The following DLGAP2 variants were observed in gnomAD, a reference collection of about 807,000 sequenced individuals.
DLGAP2 encodes the protein DLG associated protein 2.
Under a neutral mutation model 100.3 loss-of-function variants are expected in DLGAP2, and 26 were observed. The ratio of observed to expected loss-of-function variants is 0.26; its 90% CI spans 0.19 to 0.36. The LOEUF is 0.36. DLGAP2 is among the 10% of genes least tolerant of loss of function. The pLI, the probability that DLGAP2 is intolerant of heterozygous loss-of-function variation, is 1.00. For missense variants in DLGAP2, 1,858 were observed against 1,453.2 expected (o/e 1.28, Z -4.53); for synonymous variants, 886 against 630.1 (o/e 1.41, Z -6.08).
intron 3 of DLGAP2, among the ~76,000 whole-genome samples, chr8:1,415,153 C>G (rs980454660): frequency 2.6e-5 from 4 of 152,232 alleles, no homozygotes; most frequent in African/African-American, 7.2e-5. Flanking sequence ...TGCGTACAAA[C>G]AGGCAACTCT....
chr8:951,622 C>G (rs1799482116), intron 2 of DLGAP2, among the ~76,000 whole-genome samples: 1 of 152,194 alleles, frequency 6.6e-6, no homozygotes, highest in Admixed American at 6.5e-5. Flanking sequence ...GAAGCTTTTC[C>G]TAGTTCATGC....
At chr8:1,364,874 C>G (rs532946163) in intron 3 of DLGAP2, among the ~76,000 whole-genome samples, 4 of 152,282 alleles carry the variant, frequency 2.6e-5, no homozygotes, top group South Asian at 4.1e-4. Flanking sequence ...AGAGGAGGAG[C>G]AAATTCTCTT....
In DLGAP2 at chr8:915,633, G is replaced by T. The variant is rs577740631; in HGVS notation, c.73+7667G>T. Among the ~76,000 whole-genome samples the T allele has an allele frequency of 2.0e-5, 3 of 152,160 alleles. No individual in the cohort carries two copies. In the East Asian group the frequency reaches 5.8e-4, roughly 29 times the overall value. On this transcript the variant is annotated intron_variant, in intron 2 of 14. Transcript: ENST00000637795. ...GCCACAGCCGCCACCCACTCCCCTG[G>T]AATTCCCGAATCACACGGCTGGTCA...
chr8:1,638,786 G>A (rs1424034830), intron 8 of DLGAP2, among the ~76,000 whole-genome samples: 6 of 152,292 alleles, frequency 3.9e-5, no homozygotes, highest in African/African-American at 7.2e-5. Context: ...TGGGTCTCCC[G>A]GGGAGTCCAG....
At chr8:1,435,982 C>G (rs1201988537) in intron 3 of DLGAP2, among the ~76,000 whole-genome samples, 6 of 152,108 alleles carry the variant, frequency 3.9e-5, no homozygotes, top group African/African-American at 7.2e-5. Flanking sequence ...GTTTTAAGCT[C>G]AGCCTTACAA....
At chr8:1,315,568 C>T (rs7387066) in intron 3 of DLGAP2, among the ~76,000 whole-genome samples, 41 of 132,898 alleles carry the variant, frequency 3.1e-4, no homozygotes, top group Admixed American at 1.1e-3. Context: ...AAAAATAGAG[C>T]CTGTACGAGT....
chr8:1,317,892 G>C (rs186102852), intron 3 of DLGAP2, among the ~76,000 whole-genome samples: 5 of 135,878 alleles, frequency 3.7e-5, no homozygotes, highest in African/African-American at 5.8e-5. Context: ...TGAGTGCAGC[G>C]TCTCTCCAAC....
chr8:1,232,418 C>T (rs1798555702), intron 2 of DLGAP2, among the ~76,000 whole-genome samples: 1 of 152,196 alleles, frequency 6.6e-6, no homozygotes, highest in African/African-American at 2.4e-5. Context: ...TCCCTTTCTC[C>T]AGCACCCTCA....
At chr8:959,349 C>A (rs890389054) in intron 2 of DLGAP2, among the ~76,000 whole-genome samples, 1 of 152,094 alleles carries the variant, frequency 6.6e-6, no homozygotes, top group African/African-American at 2.4e-5. Flanking sequence ...TCCACTGTCA[C>A]GGATGAGCCA....
At chr8:953,003 C>T (rs948842934) in intron 2 of DLGAP2, among the ~76,000 whole-genome samples, 1 of 152,176 alleles carries the variant, frequency 6.6e-6, no homozygotes, top group Non-Finnish European at 1.5e-5. Context: ...GCATCATGCA[C>T]TGGTCATTTG....
At chr8:1,137,936 A>C (rs1796451570) in intron 2 of DLGAP2, among the ~76,000 whole-genome samples, 1 of 152,212 alleles carries the variant, frequency 6.6e-6, no homozygotes, top group South Asian at 2.1e-4. Flanking sequence ...GACTGCAGGC[A>C]TGGGCCGCCA....
At chr8:812,737 G>A (rs962351106) in intron 1 of DLGAP2, among the ~76,000 whole-genome samples, 1 of 152,164 alleles carries the variant, frequency 6.6e-6, no homozygotes, top group Non-Finnish European at 1.5e-5. Context: ...TAACAGATTA[G>A]CAATCATACG....
intron 4 of DLGAP2, among the ~76,000 whole-genome samples, chr8:1,514,258 A>G (rs775882902): frequency 3.3e-5 from 5 of 152,102 alleles, no homozygotes; most frequent in Non-Finnish European, 7.4e-5. Flanking sequence ...TTTAAATGCA[A>G]CTCTCATTTT....
Position 1,130,106 on chromosome 8 carries a change from TTAAGGGATCGTGTCAGACACTTCACG to T in DLGAP2, c.74-128744_74-128719del, listed in dbSNP as rs1563207046. Among the ~76,000 whole-genome samples the T allele has an allele frequency of 3.4e-5, 5 of 148,088 alleles. No individual in the cohort carries two copies. The East Asian group carries it at 1.0e-3, about 29-fold the overall frequency. ...GATCGTGTCAGACACTTCACGCGAG[TTAAGGGATCGTGTCAGACACTTCACG>T]CGAGTTATATGAGATGATGCAAAGA... On this transcript the variant is annotated intron_variant, in intron 2 of 14. Coordinates refer to ENST00000637795, the MANE Select transcript of DLGAP2 (RefSeq NM_001346810.2).
At chr8:1,240,293 G>A (rs1305318191) in intron 2 of DLGAP2, among the ~76,000 whole-genome samples, 15 of 132,034 alleles carry the variant, frequency 1.1e-4, no homozygotes, top group African/African-American at 2.7e-4. Context: ...ACATGGCGCC[G>A]TGTCTAGTTC....
intron 1 of DLGAP2, among the ~76,000 whole-genome samples, chr8:746,767 C>T (rs1820627240): frequency 6.6e-6 from 1 of 152,250 alleles, no homozygotes; most frequent in South Asian, 2.1e-4. Flanking sequence ...TGCGTTCTTA[C>T]CACAAAGCAC....
chr8:1,575,780 C>T (rs576494029), intron 6 of DLGAP2, among the ~76,000 whole-genome samples: 1 of 151,794 alleles, frequency 6.6e-6, no homozygotes, highest in Non-Finnish European at 1.5e-5. Flanking sequence ...CATCCATGTC[C>T]CTACAAAGGA....
chr8:1,627,442 T>G (rs1797533802), intron 7 of DLGAP2, among the ~76,000 whole-genome samples: 1 of 152,226 alleles, frequency 6.6e-6, no homozygotes, highest in East Asian at 1.9e-4. Flanking sequence ...ACGGGGGCTG[T>G]GAAAGGGAGG....
intron 6 of DLGAP2, among the ~76,000 whole-genome samples, chr8:1,619,088 G>C (rs1460700120): frequency 6.6e-6 from 1 of 152,172 alleles, no homozygotes; most frequent in Non-Finnish European, 1.5e-5. Flanking sequence ...CATAGAATAA[G>C]GGAAATGTCT....
Sources: allele counts gnomAD v4.1 joint callset (sites outside exome capture counted in the v4.1 genomes callset), GRCh38; gene constraint gnomAD v4.1.1; transcripts MANE v1.5; gene names NCBI Gene and HGNC (gene_info 2026-07-23, HGNC 2026-07-21).